Variants in JAKMIP1 observed in about 807,000 individuals in gnomAD.
The protein encoded by JAKMIP1 is janus kinase and microtubule interacting protein 1, also known as janus kinase and microtubule-interacting protein 1.
Under a neutral mutation model 113.0 loss-of-function variants are expected in JAKMIP1, and 33 were observed. That is an observed-to-expected ratio of 0.29 (90% CI 0.22 to 0.39). JAKMIP1 has a LOEUF of 0.39. JAKMIP1 is among the 10% of genes least tolerant of loss of function. The pLI is 1.00. For missense variants in JAKMIP1, 813 were observed against 1,080.5 expected, an observed-to-expected ratio of 0.75 and a Z score of 3.47; for synonymous variants, 480 against 459.9, an observed-to-expected ratio of 1.04 and a Z score of -0.56.
Position 6,065,089 on chromosome 4 carries a change from T to G in JAKMIP1, c.1303-81A>C. ...CAGTCCCTGGTCGTGGGCATGCCAGTGCAGGGGGGTGATGATTGACATTTG... is the reference window on the plus strand; with the variant it reads ...CAGTCCCTGGTCGTGGGCATGCCAGGGCAGGGGGGTGATGATTGACATTTG... On this transcript the variant is annotated intron_variant, in intron 8 of 20. Coordinates refer to ENST00000409021, the MANE Select transcript of JAKMIP1 (RefSeq NM_001099433.2). This position sits in a 1 kb window ranked among gnomAD's most constrained non-coding sequence, Gnocchi z 5.1. The G allele has an allele frequency of 1.3e-6, 2 of 1,547,846 alleles. No individual in the cohort carries two copies. The highest frequency in any genetic ancestry group is 1.8e-6 in the Non-Finnish European group (2 of 1,128,218).
At chr4:6,026,687 G>A (rs536986027) in intron 20 of JAKMIP1, among the ~76,000 whole-genome samples, 3 of 150,982 alleles carry the variant, frequency 2.0e-5, no homozygotes, top group Admixed American at 6.6e-5. Context: ...TGTGTGCACC[G>A]AAGATCAGGG....
At chr4:6,112,143 G>A (rs1043971522) in intron 2 of JAKMIP1, among the ~76,000 whole-genome samples, 2 of 152,156 alleles carry the variant, frequency 1.3e-5, no homozygotes, top group African/African-American at 4.8e-5. Flanking sequence ...GTTCCTATAT[G>A]ATGAACTGCA....
At position 6,153,400 on chromosome 4, in the gene JAKMIP1, G is replaced by A. The variant is rs1272305160; in HGVS notation, c.-147-40403C>T. Among the ~76,000 whole-genome samples the A allele has an allele frequency of 2.6e-5, 4 of 152,202 alleles. No individual in the cohort carries two copies. The highest frequency in any genetic ancestry group is 4.4e-5 in the Non-Finnish European group (3 of 68,042). On this transcript the variant is annotated intron_variant, in intron 1 of 20. Transcript: ENST00000409021. The surrounding 1 kb of genome is among the most constrained non-coding windows in gnomAD (Gnocchi z 4.9). ...AGCCCCTTCTTCTCTCCACAGCCTTGTGACCCTGGCCCTCTCTAGGCTTCA... is the reference window on the plus strand; with the variant it reads ...AGCCCCTTCTTCTCTCCACAGCCTTATGACCCTGGCCCTCTCTAGGCTTCA...
intron 1 of JAKMIP1, among the ~76,000 whole-genome samples, chr4:6,125,086 A>C (rs764095500): frequency 4.6e-5 from 7 of 152,178 alleles, no homozygotes; most frequent in Non-Finnish European, 7.4e-5. Flanking sequence ...CCATAGGGCT[A>C]GGAGGACAGC....
intron 1 of JAKMIP1, among the ~76,000 whole-genome samples, chr4:6,148,519 G>A (rs559851025): frequency 3.9e-5 from 6 of 152,188 alleles, no homozygotes; most frequent in African/African-American, 7.2e-5. Context: ...CGGACTCTGC[G>A]CCGGGCGCAT....
rs1721369799 is a variant in JAKMIP1, at chr4:6,086,797, G to A, written c.625-1168C>T. ...AGCAGGGTGGGCCCTTATGACTGGT[G>A]TCCTTATGAGAGGAGAAGAGAGACA... On this transcript the variant is annotated intron_variant, in intron 3 of 20. Coordinates refer to ENST00000409021, the MANE Select transcript of JAKMIP1 (RefSeq NM_001099433.2). The surrounding 1 kb of genome is among the most constrained non-coding windows in gnomAD (Gnocchi z 4.1). Among the ~76,000 whole-genome samples, 1 of 152,046 alleles carries A rather than the reference G, an allele frequency of 6.6e-6. No homozygotes were observed.
At chr4:6,045,924 G>A (rs79059534) in intron 16 of JAKMIP1, among the ~76,000 whole-genome samples, 292 of 152,194 alleles carry the variant, frequency 1.9e-3, no homozygotes, top group Non-Finnish European at 3.3e-3. Flanking sequence ...CCACTTATTC[G>A]GATACCCGTA....
Position 6,188,348 on chromosome 4 carries a change from G to A in JAKMIP1, c.-148+11905C>T, listed in dbSNP as rs758919144. 3.3e-5 allele frequency among the ~76,000 whole-genome samples: 5 copies of A among 152,212 alleles called. No individual in the cohort carries two copies. Among genetic ancestry groups the A allele is most frequent in the African/African-American group, 7.2e-5 (3 of 41,468 alleles). On this transcript the variant is annotated intron_variant, in intron 1 of 20. Transcript: ENST00000409021. This position sits in a 1 kb window ranked among gnomAD's most constrained non-coding sequence, Gnocchi z 5.8. The stretch of plus-strand genomic sequence containing the variant: ...ATGGTCAGGATTCAGAACAGAATCC[G>A]CAATGATGGCGTTTTCAAGTGCTGT...
chr4:6,070,002 C>T, intron 8 of JAKMIP1: 1 of 398,428 alleles, frequency 2.5e-6, no homozygotes, highest in Non-Finnish European at 4.4e-6. Flanking sequence ...CGGTCGGCCA[C>T]AGCCAGGGAC....
intron 12 of JAKMIP1, chr4:6,054,659 G>T (rs1716109958): frequency 6.7e-6 from 3 of 446,914 alleles, no homozygotes; most frequent in South Asian, 4.7e-5. Flanking sequence ...TTCTCTGAGA[G>T]CGCAGATCAG....
chr4:6,026,700 A>G (rs529831715), intron 20 of JAKMIP1, among the ~76,000 whole-genome samples: 5 of 151,758 alleles, frequency 3.3e-5, no homozygotes, highest in African/African-American at 1.2e-4. Context: ...GATCAGGGTA[A>G]ATTCCACTCA....
rs1416692333 is a variant in JAKMIP1 at position 6,188,565 on chromosome 4, C to T, written c.-148+11688G>A. 1.3e-5 allele frequency among the ~76,000 whole-genome samples: 2 copies of T among 152,172 alleles called. No individual in the cohort carries two copies. The highest frequency in any genetic ancestry group is 4.8e-5 in the African/African-American group (2 of 41,454). On this transcript the variant is annotated intron_variant, in intron 1 of 20. Coordinates refer to ENST00000409021, the MANE Select transcript of JAKMIP1 (RefSeq NM_001099433.2). The surrounding 1 kb of genome is among the most constrained non-coding windows in gnomAD (Gnocchi z 5.8). ...ATACCCCCAAAGCCCTCTGCTCACT[C>T]ACAATGATGAAGGGAAGCTACAACC...
At chr4:6,066,836 C>T (rs923252370) in intron 8 of JAKMIP1, among the ~76,000 whole-genome samples, 2 of 152,162 alleles carry the variant, frequency 1.3e-5, no homozygotes, top group Admixed American at 1.3e-4. Context: ...GTCTGCGAGG[C>T]CCTACAGGAT....
intron 1 of JAKMIP1, among the ~76,000 whole-genome samples, chr4:6,145,707 C>A (rs543447082): frequency 3.3e-5 from 5 of 152,218 alleles, no homozygotes; most frequent in East Asian, 1.9e-4. Context: ...TTTTTCCTTG[C>A]AGTTCTGGAG....
At chr4:6,191,879 G>GTT (rs1236233921) in intron 1 of JAKMIP1, among the ~76,000 whole-genome samples, 1 of 147,126 alleles carries the variant, frequency 6.8e-6, no homozygotes, top group Non-Finnish European at 1.5e-5. Flanking sequence ...TTTACATTCC[G>GTT]TTTTTTTCAT....
Position 6,042,353 on chromosome 4 carries a change from G to T in JAKMIP1, c.2029-126C>A. On this transcript the variant is annotated intron_variant, in intron 16 of 20. Transcript: ENST00000409021. The surrounding 1 kb of genome is among the most constrained non-coding windows in gnomAD (Gnocchi z 5.2). ...TCAGAGTGTGCTCAGGAATGGGTCA[G>T]GTCATGGCACACACATGCCTGATCT... 1 of 745,934 alleles carries T rather than the reference G, an allele frequency of 1.3e-6. No individual in the cohort carries two copies. Among genetic ancestry groups the T allele is most frequent in the Non-Finnish European group, 2.3e-6 (1 of 427,312 alleles). The allele number at this position is 745,934 out of a possible 1,614,324, so 46.2% of individuals were successfully genotyped here.
chr4:6,035,477 G>A (rs1713291361), intron 19 of JAKMIP1, among the ~76,000 whole-genome samples: 2 of 151,958 alleles, frequency 1.3e-5, no homozygotes, highest in African/African-American at 2.4e-5. Flanking sequence ...ACGCAACATC[G>A]AACCTTGGAA....
chr4:6,137,322 C>A lies in JAKMIP1; in HGVS notation c.-147-24325G>T, dbSNP rs553212052. On this transcript the variant is annotated intron_variant, in intron 1 of 20. Transcript: ENST00000409021. The surrounding 1 kb of genome is among the most constrained non-coding windows in gnomAD (Gnocchi z 4.5). ...CAGCCACAGTGGCTGCAAGACGGCA[C>A]GCGCTGGCATTTTCCTAACAGACGG... Among the ~76,000 whole-genome samples the A allele has an allele frequency of 5.9e-5, 9 of 152,282 alleles. No individual in the cohort carries two copies. The highest frequency in any genetic ancestry group is 1.9e-4 in the African/African-American group (8 of 41,564).
rs1560155886 is a variant in JAKMIP1 at position 6,081,787 on chromosome 4, C to CAA, written c.955-34_955-33dup. 6.2e-7 allele frequency: 1 copy of CAA among 1,613,700 alleles called. No individual in the cohort carries two copies. The highest frequency in any genetic ancestry group is 8.5e-7 in the Non-Finnish European group (1 of 1,179,782). On this transcript the variant is annotated intron_variant, in intron 5 of 20. Coordinates refer to ENST00000409021, the MANE Select transcript of JAKMIP1 (RefSeq NM_001099433.2). The surrounding 1 kb of genome is among the most constrained non-coding windows in gnomAD (Gnocchi z 4.6). ...TTGGAAACAGACACAGAGGCTCAGA[C>CAA]AACTTGACGACGGACGGCCGAGGTC...
Sources: gnomAD v4.1 joint callset for allele counts (sites outside exome capture counted in the v4.1 genomes callset) on GRCh38, gnomAD v4.1.1 for gene constraint, Gnocchi (gnomAD v3.1) non-coding constraint, MANE v1.5 for transcripts, NCBI Gene and HGNC (gene_info 2026-07-23, HGNC 2026-07-21) for gene names.